The following XXYLT1 variants were observed in gnomAD, a reference collection of about 807,000 sequenced individuals.
The protein encoded by XXYLT1 is xyloside xylosyltransferase 1.
Under a neutral mutation model 28.9 loss-of-function variants are expected in XXYLT1, and 20 were observed. The observed-to-expected ratio is 0.69, with a 90% CI of 0.49 to 1.00. The LOEUF (loss-of-function observed/expected upper bound fraction) is 1.00, where lower values mean the gene tolerates loss of function less well. Among genes scored for constraint, XXYLT1 ranks in the 50% least tolerant of loss-of-function variants. XXYLT1 has a pLI of 0.00. For synonymous variants in XXYLT1, 257 were observed against 253.8 expected (o/e 1.01, Z -0.12); for missense variants, 542 against 560.1 (o/e 0.97, Z 0.33).
chr3:195,260,112 GA>G (rs35590335), intron 1 of XXYLT1: 116,741 of 151,778 alleles, frequency 0.77, 45,274 homozygotes, highest in East Asian at 0.95. Context: ...GCTAGAGGAG[GA>G]AAAAAAACAC....
Position 195,129,958 on chromosome 3 carries a change from T to C in XXYLT1, c.785+26491A>G, listed in dbSNP as rs1718821615. On this transcript the variant is annotated intron_variant, in intron 3 of 3. Transcript: ENST00000310380. This position sits in a 1 kb window ranked among gnomAD's most constrained non-coding sequence, Gnocchi z 4.4. ...GAGTGCGGGTTCCCATGCCTCCAAC[T>C]CCTCACCAGCACCTGTTATTGTCCT... Among the ~76,000 whole-genome samples the C allele has an allele frequency of 1.3e-5, 2 of 152,182 alleles. No homozygotes were observed. The highest frequency in any genetic ancestry group is 1.3e-4 in the Admixed American group (2 of 15,274).
In XXYLT1 at chr3:195,191,987, C is replaced by T. The variant is rs181945696; in HGVS notation, c.652+34722G>A. Among the ~76,000 whole-genome samples, 148 of 152,332 alleles carry T rather than the reference C, an allele frequency of 9.7e-4. 1 individual carries two copies. Among genetic ancestry groups the T allele is most frequent in the African/African-American group, 3.3e-3 (137 of 41,574 alleles). On this transcript the variant is annotated intron_variant, in intron 2 of 3. Coordinates refer to ENST00000310380, the MANE Select transcript of XXYLT1 (RefSeq NM_152531.5). ...AAGGATGCAGAAGACTCAATACAAT[C>T]AAGCAACTTGACCTAACTGACATAT...
At chr3:195,135,892 G>A (rs1233371218) in intron 3 of XXYLT1, among the ~76,000 whole-genome samples, 4 of 152,132 alleles carry the variant, frequency 2.6e-5, no homozygotes, top group East Asian at 1.9e-4. Flanking sequence ...AGGTTCACCC[G>A]ACTCAGGCTG....
intron 2 of XXYLT1, among the ~76,000 whole-genome samples, chr3:195,213,114 A>C (rs75214045): frequency 0.03 from 4,595 of 152,276 alleles, 141 homozygotes; most frequent in East Asian, 0.1. Flanking sequence ...ACCCAACGAC[A>C]TGCTCTATTG....
chr3:195,075,959 G>C (rs954025478), intron 3 of XXYLT1, among the ~76,000 whole-genome samples: 2 of 151,974 alleles, frequency 1.3e-5, no homozygotes, highest in African/African-American at 4.8e-5. Flanking sequence ...CTGGGGCACC[G>C]GGCCCCACAG....
At chr3:195,228,905 C>G (rs1698314201) in intron 1 of XXYLT1, among the ~76,000 whole-genome samples, 1 of 151,860 alleles carries the variant, frequency 6.6e-6, no homozygotes, top group Admixed American at 6.6e-5. Flanking sequence ...CTCTGCTTCC[C>G]AGGTTCAAGT....
chr3:195,266,994 C>G (rs943288184), intron 1 of XXYLT1, among the ~76,000 whole-genome samples: 1 of 152,238 alleles, frequency 6.6e-6, no homozygotes, highest in Non-Finnish European at 1.5e-5. Flanking sequence ...AATAAACTAA[C>G]AGATTAATTA....
At chr3:195,181,151 TG>T (rs2108737253) in intron 2 of XXYLT1, among the ~76,000 whole-genome samples, 1 of 152,316 alleles carries the variant, frequency 6.6e-6, no homozygotes, top group African/African-American at 2.4e-5. Flanking sequence ...GAGAACACTG[TG>T]CTTCTCCTGA....
At chr3:195,207,425 C>G in intron 2 of XXYLT1, 1 of 456,006 alleles carries the variant, frequency 2.2e-6, no homozygotes. Context: ...TTCTACTCAC[C>G]TTGGAAAGTG....
At chr3:195,236,409 G>T (rs112911300) in intron 1 of XXYLT1, among the ~76,000 whole-genome samples, 1 of 151,970 alleles carries the variant, frequency 6.6e-6, no homozygotes, top group Non-Finnish European at 1.5e-5. Context: ...CTGCCAGAGC[G>T]CCACCAATGT....
chr3:195,218,626 C>T (rs1263582958), intron 2 of XXYLT1, among the ~76,000 whole-genome samples: 1 of 152,160 alleles, frequency 6.6e-6, no homozygotes, highest in Non-Finnish European at 1.5e-5. Flanking sequence ...TACCATCTCA[C>T]ACCGGTTCGA....
rs114369300 is a variant in XXYLT1, at chr3:195,229,679, C to T, written c.505-2823G>A. On this transcript the variant is annotated intron_variant, in intron 1 of 3. Coordinates refer to ENST00000310380, the MANE Select transcript of XXYLT1 (RefSeq NM_152531.5). ...GCCTGGCTTATGCCACTTAACAAAA[C>T]GATCTCCGGTTCCATCACTGTTGTT... Among the ~76,000 whole-genome samples, 652 of 152,324 alleles carry T rather than the reference C, an allele frequency of 4.3e-3. 6 individuals carry two copies. Among genetic ancestry groups the T allele is most frequent in the African/African-American group, 0.014 (594 of 41,560 alleles).
rs542982981 is a variant in XXYLT1, at chr3:195,255,374, C to T, written c.504+15181G>A. Among the ~76,000 whole-genome samples, 22 of 152,256 alleles carry T rather than the reference C, an allele frequency of 1.4e-4. No homozygotes were observed. The highest frequency in any genetic ancestry group is 4.3e-4 in the African/African-American group (18 of 41,570). ...AGCTCAGCCCCCAGCAGGACCCAGT[C>T]GGGCTGGGGACTCAGCTCCATCCAA... On this transcript the variant is annotated intron_variant, in intron 1 of 3. Transcript: ENST00000310380. This position sits in a 1 kb window ranked among gnomAD's most constrained non-coding sequence, Gnocchi z 4.5.
chr3:195,111,998 T>G (rs995120600), intron 3 of XXYLT1, among the ~76,000 whole-genome samples: 2 of 152,204 alleles, frequency 1.3e-5, no homozygotes, highest in Non-Finnish European at 2.9e-5. Flanking sequence ...GGAACTCATT[T>G]CTTCTACAGT....
chr3:195,070,052 G>C lies in XXYLT1; in HGVS notation c.845C>G (p.Pro282Arg), dbSNP rs766217283. ...NPQTRVGGPPPEGLPGFNSGV... is the reference protein window; with the variant it reads ...NPQTRVGGPPREGLPGFNSGV... ...GCTGTTGAAGCCCGGCAGCCCCTCG[G>C]GGGGCGGGCCCCCAACCCGGGTCTG... The change falls in exon 4 of 4, where the codon CCC (proline) becomes CGC (arginine). Residue 282 changes from proline to arginine, a missense_variant. Coordinates refer to ENST00000310380, the MANE Select transcript of XXYLT1 (RefSeq NM_152531.5). The C allele has an allele frequency of 1.3e-4, 204 of 1,597,990 alleles. No individual in the cohort carries two copies. Among genetic ancestry groups the C allele is most frequent in the Non-Finnish European group, 1.5e-4 (175 of 1,178,588 alleles).
intron 3 of XXYLT1, among the ~76,000 whole-genome samples, chr3:195,099,434 T>C (rs1716641769): frequency 6.6e-6 from 1 of 152,078 alleles, no homozygotes; most frequent in African/African-American, 2.4e-5. Context: ...CTGGACGCAG[T>C]CAAGTCAGCT....
chr3:195,262,789 C>A (rs1577209846), intron 1 of XXYLT1, among the ~76,000 whole-genome samples: 2 of 152,276 alleles, frequency 1.3e-5, no homozygotes, highest in East Asian at 3.9e-4. Flanking sequence ...TAAAGTTTTC[C>A]ATAAGAAACA....
chr3:195,198,498 C>T (rs963529825), intron 2 of XXYLT1, among the ~76,000 whole-genome samples: 2 of 152,160 alleles, frequency 1.3e-5, no homozygotes, highest in Non-Finnish European at 2.9e-5. Context: ...GTCAGGGGAG[C>T]TGGGATGTAA....
At chr3:195,200,836 G>A (rs76378992) in intron 2 of XXYLT1, among the ~76,000 whole-genome samples, 3,552 of 152,248 alleles carry the variant, frequency 0.023, 123 homozygotes, top group African/African-American at 0.082. Flanking sequence ...TCCAACAGGA[G>A]CTCACGGGTC....
Sources: allele counts gnomAD v4.1 joint callset (sites outside exome capture counted in the v4.1 genomes callset), GRCh38; gene constraint gnomAD v4.1.1; non-coding constraint Gnocchi (gnomAD v3.1); transcripts MANE v1.5; gene names NCBI Gene and HGNC (gene_info 2026-07-23, HGNC 2026-07-21).